Variants in SPOCK1 observed in about 807,000 individuals in gnomAD.
SPOCK1 encodes SPARC (osteonectin), cwcv and kazal like domains proteoglycan 1.
In SPOCK1, 23 loss-of-function variants were observed where a neutral mutation model predicts 55.3. The observed-to-expected ratio is 0.42, with a 90% CI of 0.30 to 0.59. SPOCK1 has a LOEUF of 0.59. Ranked by LOEUF, SPOCK1 falls within the 20% of genes least tolerant of loss-of-function variation. SPOCK1 has a pLI of 0.22. For synonymous variants in SPOCK1, 226 were observed against 221.0 expected (o/e 1.02, Z -0.20); for missense variants, 499 against 552.5 (o/e 0.90, Z 0.97).
intron 2 of SPOCK1, among the ~76,000 whole-genome samples, chr5:137,493,556 G>A (rs1016374900): frequency 6.6e-6 from 1 of 152,226 alleles, no homozygotes; most frequent in African/African-American, 2.4e-5. Flanking sequence ...GAGAAGACAA[G>A]AAGGCTCTTA....
chr5:137,139,329 C>T (rs1754048136), intron 4 of SPOCK1, among the ~76,000 whole-genome samples: 1 of 152,178 alleles, frequency 6.6e-6, no homozygotes, highest in Non-Finnish European at 1.5e-5. Context: ...TCTAGATGCT[C>T]ACCTCATGCC....
intron 2 of SPOCK1, among the ~76,000 whole-genome samples, chr5:137,490,820 C>A (rs1341166381): frequency 6.6e-6 from 1 of 152,104 alleles, no homozygotes; most frequent in Non-Finnish European, 1.5e-5. Flanking sequence ...GGAGCTACAA[C>A]TGGAAAATAA....
At chr5:137,316,964 C>A (rs1757891207) in intron 2 of SPOCK1, among the ~76,000 whole-genome samples, 1 of 152,188 alleles carries the variant, frequency 6.6e-6, no homozygotes, top group Non-Finnish European at 1.5e-5. Flanking sequence ...AGAAGGGTGA[C>A]ACTGTGAATC....
At chr5:137,308,107 T>C (rs1256971075) in intron 2 of SPOCK1, among the ~76,000 whole-genome samples, 2 of 152,216 alleles carry the variant, frequency 1.3e-5, no homozygotes, top group African/African-American at 4.8e-5. Context: ...CCTATTGAAC[T>C]TTACTACAGA....
intron 3 of SPOCK1, among the ~76,000 whole-genome samples, chr5:137,191,869 C>T (rs1175547664): frequency 6.6e-6 from 1 of 152,184 alleles, no homozygotes; most frequent in East Asian, 1.9e-4. Context: ...TTCCAACAAA[C>T]TCACCATCTG....
chr5:137,374,676 C>T (rs917859946), intron 2 of SPOCK1, among the ~76,000 whole-genome samples: 4 of 152,196 alleles, frequency 2.6e-5, no homozygotes, highest in African/African-American at 9.7e-5. Flanking sequence ...GACAGCGGCG[C>T]TCACCACACC....
At chr5:137,004,523 G>A (rs1030346793) in intron 6 of SPOCK1, among the ~76,000 whole-genome samples, 1 of 152,056 alleles carries the variant, frequency 6.6e-6, no homozygotes, top group African/African-American at 2.4e-5. Context: ...AGGATCGTGT[G>A]ACTGGCACAG....
intron 6 of SPOCK1, among the ~76,000 whole-genome samples, chr5:137,061,777 G>A (rs542729894): frequency 1.2e-4 from 19 of 152,312 alleles, no homozygotes; most frequent in African/African-American, 4.6e-4. Context: ...TCTGTAGGAT[G>A]CCATTCTAAA....
chr5:137,313,374 AG>A lies in SPOCK1; in HGVS notation c.187-46320del, dbSNP rs1349729764. 1.9e-4 allele frequency: 187 copies of A among 979,570 alleles called. 2 individuals are homozygous for A. The African/African-American group carries it at 3.0e-3, about 16-fold the overall frequency. The allele number at this position is 979,570 out of a possible 1,614,324, so 60.7% of individuals were successfully genotyped here. The stretch of plus-strand genomic sequence containing the variant: ...AGAGCCAGACATTGACAGGACAAAA[AG>A]ATTAAAGAGAAGAAAAGTAAAGCCC... On this transcript the variant is annotated intron_variant, in intron 2 of 10. Transcript: ENST00000394945.
rs1468908770 is a variant in SPOCK1 at position 137,383,457 on chromosome 5, ATT to A, written c.186+114914_186+114915del. Among the ~76,000 whole-genome samples the A allele has an allele frequency of 3.3e-5, 5 of 152,286 alleles. No individual in the cohort carries two copies. The East Asian group carries it at 9.7e-4, about 29-fold the overall frequency. Reference sequence around the variant, plus strand: ...CCCCATGAAGACGGGATGGAAACAGATTTGTGGGGAAACTTTAGAAGCTAATA... The same window carrying A: ...CCCCATGAAGACGGGATGGAAACAGATGTGGGGAAACTTTAGAAGCTAATA... On this transcript the variant is annotated intron_variant, in intron 2 of 10. Transcript: ENST00000394945.
At chr5:136,990,142 C>T (rs1244034521) in intron 7 of SPOCK1, among the ~76,000 whole-genome samples, 7 of 152,104 alleles carry the variant, frequency 4.6e-5, no homozygotes, top group Non-Finnish European at 1.0e-4. Context: ...GATCTCCTGA[C>T]CTCGTGATCC....
At chr5:137,098,900 C>G (rs1242556162) in intron 5 of SPOCK1, among the ~76,000 whole-genome samples, 9 of 152,202 alleles carry the variant, frequency 5.9e-5, no homozygotes, top group Non-Finnish European at 1.2e-4. Flanking sequence ...CCTCAGCCAC[C>G]TCCTGGTTGG....
At chr5:137,272,678 G>C (rs1216682454) in intron 2 of SPOCK1, among the ~76,000 whole-genome samples, 6 of 151,884 alleles carry the variant, frequency 4.0e-5, no homozygotes. Context: ...CTGTACAACA[G>C]AGCCTGGGAG....
chr5:137,389,639 T>C (rs1189117967), intron 2 of SPOCK1, among the ~76,000 whole-genome samples: 1 of 152,172 alleles, frequency 6.6e-6, no homozygotes, highest in Non-Finnish European at 1.5e-5. Flanking sequence ...TCTCACAGAC[T>C]AAGAGCCACA....
chr5:137,131,989 AATATATATAT>A (rs869252723), intron 4 of SPOCK1, among the ~76,000 whole-genome samples: 925 of 36,028 alleles, frequency 0.026, 86 homozygotes, highest in South Asian at 0.12. Flanking sequence ...AAAAAAAAAA[AATATATATAT>A]ATATATATAT....
At chr5:137,104,615 C>T (rs66472723) in intron 5 of SPOCK1, among the ~76,000 whole-genome samples, 21,643 of 152,112 alleles carry the variant, frequency 0.14, 2,048 homozygotes, top group Non-Finnish European at 0.2. Context: ...AGCTCCGCTT[C>T]GTGTCACATC....
intron 5 of SPOCK1, among the ~76,000 whole-genome samples, chr5:137,081,303 G>A (rs1162261282): frequency 4.6e-5 from 7 of 152,174 alleles, no homozygotes; most frequent in African/African-American, 1.7e-4. Flanking sequence ...AAATGCAGAC[G>A]GAGAAAGAAT....
At chr5:137,098,787 C>G (rs1315058547) in intron 5 of SPOCK1, among the ~76,000 whole-genome samples, 3 of 152,294 alleles carry the variant, frequency 2.0e-5, no homozygotes, top group Middle Eastern at 3.4e-3. Flanking sequence ...TTATTCTTGC[C>G]ATACCATGAG....
chr5:137,422,427 A>G (rs1381313736), intron 2 of SPOCK1, among the ~76,000 whole-genome samples: 1 of 152,240 alleles, frequency 6.6e-6, no homozygotes, highest in Non-Finnish European at 1.5e-5. Context: ...TACACCAATC[A>G]GACGTAGATT....
Sources: allele counts gnomAD v4.1 joint callset (sites outside exome capture counted in the v4.1 genomes callset), GRCh38; gene constraint gnomAD v4.1.1; transcripts MANE v1.5; gene names NCBI Gene and HGNC (gene_info 2026-07-23, HGNC 2026-07-21).